Variants in SH3GL2 observed in about 807,000 individuals in gnomAD.
The protein encoded by SH3GL2 is endophilin-A1.
A neutral mutation model predicts 46.0 loss-of-function variants in SH3GL2; 24 were observed. That is an observed-to-expected ratio of 0.52 (90% CI 0.38 to 0.73). The LOEUF is 0.73. SH3GL2 is among the 30% of genes least tolerant of loss of function. The pLI, the probability that SH3GL2 is intolerant of heterozygous loss-of-function variation, is 0.00. For synonymous variants in SH3GL2, 196 were observed against 147.1 expected, an observed-to-expected ratio of 1.33 and a Z score of -2.40; for missense variants, 413 against 424.2, an observed-to-expected ratio of 0.97 and a Z score of 0.23.
intron 1 of SH3GL2, among the ~76,000 whole-genome samples, chr9:17,746,311 C>G (rs1320170824): frequency 6.6e-6 from 1 of 152,098 alleles, no homozygotes; most frequent in Non-Finnish European, 1.5e-5. Flanking sequence ...CTCCTGACCT[C>G]GTGATCCACC....
intron 1 of SH3GL2, among the ~76,000 whole-genome samples, chr9:17,616,758 C>G (rs1278647882): frequency 1.3e-5 from 2 of 151,812 alleles, no homozygotes; most frequent in African/African-American, 2.4e-5. Flanking sequence ...GTTAATATAG[C>G]CTGTTGGTTT....
chr9:17,703,846 C>T (rs1821398726), intron 1 of SH3GL2, among the ~76,000 whole-genome samples: 1 of 152,016 alleles, frequency 6.6e-6, no homozygotes, highest in Non-Finnish European at 1.5e-5. Context: ...CAGCCAGCAT[C>T]ATACTGAATG....
intron 1 of SH3GL2, among the ~76,000 whole-genome samples, chr9:17,680,047 A>G (rs1036258535): frequency 6.6e-6 from 1 of 151,808 alleles, no homozygotes; most frequent in African/African-American, 2.4e-5. Flanking sequence ...TTTATTGAGG[A>G]TTTTTGCATC....
intron 1 of SH3GL2, chr9:17,591,192 A>C (rs951438423): frequency 2.6e-5 from 4 of 152,242 alleles, no homozygotes; most frequent in Admixed American, 6.5e-5. Flanking sequence ...CAGAAAGCTT[A>C]TCATAAAATC....
chr9:17,786,376 T>A lies in SH3GL2; in HGVS notation c.188-5T>A. On this transcript the variant is annotated splice_polypyrimidine_tract_variant and splice_region_variant and intron_variant, in intron 3 of 8. Coordinates refer to ENST00000380607, the MANE Select transcript of SH3GL2 (RefSeq NM_003026.5). ...TCTGAAAGCTTGTTCTCTCTTCACC[T>A]TCAGCTTCCAGAGCTAAGCTCAGCA... is the stretch of plus-strand genomic sequence containing the variant. 6.2e-7 allele frequency: 1 copy of A among 1,604,738 alleles called. No individual in the cohort carries two copies. Among genetic ancestry groups the A allele is most frequent in the Non-Finnish European group, 8.5e-7 (1 of 1,176,826 alleles).
chr9:17,662,289 A>G (rs1820239084), intron 1 of SH3GL2, among the ~76,000 whole-genome samples: 2 of 152,210 alleles, frequency 1.3e-5, no homozygotes, highest in African/African-American at 4.8e-5. Context: ...AAAAATGTAC[A>G]TCTGTGTCTG....
chr9:17,639,673 A>G (rs1721743284), intron 1 of SH3GL2, among the ~76,000 whole-genome samples: 1 of 152,228 alleles, frequency 6.6e-6, no homozygotes, highest in Admixed American at 6.5e-5. Flanking sequence ...AAGAGAAAGG[A>G]GAACATGTTC....
At chr9:17,695,594 C>T (rs575188235) in intron 1 of SH3GL2, among the ~76,000 whole-genome samples, 41 of 151,732 alleles carry the variant, frequency 2.7e-4, no homozygotes, top group African/African-American at 9.7e-4. Flanking sequence ...CCTCTGTGCT[C>T]GCCTGGGGCC....
intron 1 of SH3GL2, among the ~76,000 whole-genome samples, chr9:17,689,861 AT>A (rs1425934087): frequency 6.6e-6 from 1 of 152,090 alleles, no homozygotes; most frequent in Non-Finnish European, 1.5e-5. Context: ...TTATTTATTT[AT>A]TTTAACTTCT....
At chr9:17,758,345 G>C (rs544797623) in intron 2 of SH3GL2, among the ~76,000 whole-genome samples, 18 of 151,914 alleles carry the variant, frequency 1.2e-4, no homozygotes, top group Non-Finnish European at 2.2e-4. Flanking sequence ...TGGATCACTT[G>C]AGGCCAGGAG....
chr9:17,793,377 G>C lies in SH3GL2; in HGVS notation c.739G>C (p.Ala247Pro), dbSNP rs1374394931. The C allele has an allele frequency of 3.7e-6, 6 of 1,611,486 alleles. No individual in the cohort carries two copies. Among genetic ancestry groups the C allele is most frequent in the Non-Finnish European group, 5.1e-6 (6 of 1,178,914 alleles). The change falls in exon 8 of 9, where the codon GCT becomes CCT. Residue 247 changes from alanine (A) to proline (P), a missense_variant. By Grantham distance (27) the Ala-to-Pro change is conservative. Coordinates refer to ENST00000380607, the MANE Select transcript of SH3GL2 (RefSeq NM_003026.5). The part of the protein sequence containing the change: ...TVRLEERIRQ[A>P]SSQPRREYQP... ...TTCTTTTTACTGCAGAATAAGACAG[G>C]CTTCATCTCAGCCTAGAAGGGAATA...
chr9:17,736,663 A>T (rs996014986), intron 1 of SH3GL2, among the ~76,000 whole-genome samples: 1 of 152,152 alleles, frequency 6.6e-6, no homozygotes, highest in African/African-American at 2.4e-5. Flanking sequence ...TGTGAAATAC[A>T]TGTAGGAAGT....
chr9:17,624,544 G>A (rs1819235899), intron 1 of SH3GL2, among the ~76,000 whole-genome samples: 1 of 151,772 alleles, frequency 6.6e-6, no homozygotes, highest in Non-Finnish European at 1.5e-5. Context: ...TATTTTTTGT[G>A]TGCACTCAAG....
intron 1 of SH3GL2, among the ~76,000 whole-genome samples, chr9:17,746,596 A>G (rs1822694311): frequency 6.6e-6 from 1 of 152,138 alleles, no homozygotes; most frequent in Non-Finnish European, 1.5e-5. Context: ...CTGGGCTGAG[A>G]CTTTTTTTCT....
intron 1 of SH3GL2, among the ~76,000 whole-genome samples, chr9:17,736,296 T>C (rs1822333096): frequency 6.6e-6 from 1 of 152,150 alleles, no homozygotes; most frequent in Non-Finnish European, 1.5e-5. Flanking sequence ...TTTTCAAATT[T>C]TATACCTCAG....
intron 1 of SH3GL2, among the ~76,000 whole-genome samples, chr9:17,724,436 T>C (rs1385921785): frequency 6.6e-6 from 1 of 152,276 alleles, no homozygotes; most frequent in East Asian, 1.9e-4. Flanking sequence ...TTTGGACATA[T>C]TTAAAATGAC....
intron 1 of SH3GL2, among the ~76,000 whole-genome samples, chr9:17,602,703 A>G (rs11999706): frequency 0.13 from 20,284 of 152,202 alleles, 4,491 homozygotes; most frequent in African/African-American, 0.46. Context: ...TTATTTCTCC[A>G]TTTTTGGGGA....
At chr9:17,701,749 T>C (rs1184833252) in intron 1 of SH3GL2, among the ~76,000 whole-genome samples, 3 of 152,110 alleles carry the variant, frequency 2.0e-5, no homozygotes. Flanking sequence ...ATAAATGATA[T>C]AATTTTTCTA....
chr9:17,769,206 T>C (rs754073828), intron 3 of SH3GL2, among the ~76,000 whole-genome samples: 16 of 152,232 alleles, frequency 1.1e-4, no homozygotes, highest in Non-Finnish European at 2.4e-4. Context: ...CCACTTCAGA[T>C]GTACATTTAC....
Sources: allele counts gnomAD v4.1 joint callset (sites outside exome capture counted in the v4.1 genomes callset), GRCh38; gene constraint gnomAD v4.1.1; transcripts MANE v1.5; gene names NCBI Gene and HGNC (gene_info 2026-07-23, HGNC 2026-07-21).